LIN28B: variants seen among roughly 807,000 people sequenced by gnomAD.
The protein encoded by LIN28B is lin-28 RNA binding posttranscriptional regulator B.
Under a neutral mutation model 21.9 loss-of-function variants are expected in LIN28B, and 5 were observed. That is an observed-to-expected ratio of 0.23 (90% CI 0.12 to 0.48). The LOEUF is 0.48. LIN28B is among the 20% of genes least tolerant of loss of function. LIN28B has a pLI of 0.98. For missense variants in LIN28B, 245 were observed against 310.5 expected (o/e 0.79, Z 1.58); for synonymous variants, 109 against 111.3 (o/e 0.98, Z 0.13).
intron 2 of LIN28B, among the ~76,000 whole-genome samples, chr6:104,980,392 C>T (rs76667922): frequency 1.3e-5 from 2 of 152,250 alleles, no homozygotes; most frequent in East Asian, 3.9e-4. Context: ...AAAAATGATG[C>T]AGGTGTTAAA....
chr6:105,075,920 T>A (rs1019577004), intron 3 of LIN28B, among the ~76,000 whole-genome samples: 1 of 152,218 alleles, frequency 6.6e-6, no homozygotes, highest in African/African-American at 2.4e-5. Flanking sequence ...CTCAAGGAAG[T>A]GAATTTAATT....
intron 3 of LIN28B, among the ~76,000 whole-genome samples, chr6:105,029,600 A>G (rs1374300121): frequency 1.3e-5 from 2 of 152,156 alleles, no homozygotes; most frequent in Non-Finnish European, 2.9e-5. Context: ...TTGGAAATTT[A>G]ACAAGAAAGA....
intron 3 of LIN28B, among the ~76,000 whole-genome samples, chr6:105,069,519 G>T (rs777529471): frequency 2.6e-5 from 4 of 151,748 alleles, no homozygotes; most frequent in Admixed American, 6.6e-5. Flanking sequence ...GAGCCCAGGA[G>T]TTCAAGACCA....
In LIN28B at chr6:104,992,754, C is replaced by T. The variant is rs774002745; in HGVS notation, c.199-33544C>T. Among the ~76,000 whole-genome samples the T allele has an allele frequency of 2.4e-4, 36 of 152,192 alleles. No individual in the cohort carries two copies. In the Middle Eastern group the frequency reaches 0.014, roughly 58 times the overall value. On this transcript the variant is annotated intron_variant, in intron 2 of 3. Transcript: ENST00000345080. ...TGAACTCCTGTGCTCAAGTGGTCCTCCTACCTTGGCCTCCCAAAGTTCTGA... is the reference window on the plus strand; with the variant it reads ...TGAACTCCTGTGCTCAAGTGGTCCTTCTACCTTGGCCTCCCAAAGTTCTGA...
chr6:104,988,158 ACT>A (rs1257950150), intron 2 of LIN28B, among the ~76,000 whole-genome samples: 1 of 152,166 alleles, frequency 6.6e-6, no homozygotes, highest in Admixed American at 6.5e-5. Context: ...ATGTTTAATA[ACT>A]CATCATTAAG....
intron 3 of LIN28B, among the ~76,000 whole-genome samples, chr6:105,069,005 C>A (rs572259933): frequency 6.6e-6 from 1 of 152,130 alleles, no homozygotes; most frequent in South Asian, 2.1e-4. Context: ...TCACTTGAGG[C>A]CAGGAGTTTG....
intron 2 of LIN28B, among the ~76,000 whole-genome samples, chr6:104,983,908 C>A (rs768999427): frequency 1.2e-4 from 18 of 152,108 alleles, no homozygotes; most frequent in African/African-American, 1.9e-4. Context: ...TTTTTCTGAT[C>A]GGCTACAGAC....
At chr6:105,035,049 A>G (rs560960280) in intron 3 of LIN28B, among the ~76,000 whole-genome samples, 1 of 152,100 alleles carries the variant, frequency 6.6e-6, no homozygotes, top group African/African-American at 2.4e-5. Context: ...TCTCAGTGGT[A>G]TAATTTGACA....
At chr6:105,063,597 C>T (rs561536021) in intron 3 of LIN28B, among the ~76,000 whole-genome samples, 13 of 144,914 alleles carry the variant, frequency 9.0e-5, no homozygotes, top group African/African-American at 2.8e-4. Context: ...GATTGCGCCA[C>T]TGCACTCCAG....
chr6:104,947,750 T>G (rs1290275895), intron 2 of LIN28B, among the ~76,000 whole-genome samples: 3 of 151,198 alleles, frequency 2.0e-5, no homozygotes, highest in East Asian at 3.9e-4. Context: ...AAAAGATGGT[T>G]TAACAAAACA....
At chr6:104,937,525 A>C (rs542348221) in intron 2 of LIN28B, among the ~76,000 whole-genome samples, 2 of 152,186 alleles carry the variant, frequency 1.3e-5, no homozygotes, top group Admixed American at 6.5e-5. Context: ...TCGGCCTCCC[A>C]AAGTGCTGGG....
chr6:105,061,432 T>C (rs139133106), intron 3 of LIN28B, among the ~76,000 whole-genome samples: 117 of 152,240 alleles, frequency 7.7e-4, no homozygotes, highest in African/African-American at 2.5e-3. Context: ...TATTGGGCTA[T>C]TTAGTTTGAT....
At chr6:104,949,843 A>T (rs1390298907) in intron 2 of LIN28B, among the ~76,000 whole-genome samples, 1 of 152,216 alleles carries the variant, frequency 6.6e-6, no homozygotes, top group Non-Finnish European at 1.5e-5. Context: ...ACTCATATTT[A>T]AAAAATGAGA....
intron 3 of LIN28B, among the ~76,000 whole-genome samples, chr6:105,074,533 G>A (rs1772389375): frequency 6.6e-6 from 1 of 152,034 alleles, no homozygotes; most frequent in South Asian, 2.1e-4. Flanking sequence ...TTTTGATAGT[G>A]TCTCAAAAAT....
chr6:104,984,963 T>C (rs1362646310), intron 2 of LIN28B, among the ~76,000 whole-genome samples: 1 of 152,218 alleles, frequency 6.6e-6, no homozygotes, highest in African/African-American at 2.4e-5. Context: ...ATTACTTTCC[T>C]AGGTGTCTAG....
intron 2 of LIN28B, among the ~76,000 whole-genome samples, chr6:105,003,956 A>G (rs996668279): frequency 6.6e-6 from 1 of 152,210 alleles, no homozygotes; most frequent in African/African-American, 2.4e-5. Context: ...AGGGGAGTTT[A>G]TTAAGTATTA....
chr6:105,000,146 C>T (rs75502187), intron 2 of LIN28B, among the ~76,000 whole-genome samples: 3,308 of 129,450 alleles, frequency 0.026, 118 homozygotes, highest in African/African-American at 0.078. Context: ...CATTTGGCTG[C>T]TAAAACCATG....
rs1355295573 is a variant in LIN28B, at chr6:105,080,562, G to A, written c.*1779G>A. 4 of 152,552 alleles carry A rather than the reference G, an allele frequency of 2.6e-5. No homozygotes were observed. The highest frequency in any genetic ancestry group is 1.9e-4 in the East Asian group (1 of 5,194). The allele number at this position is 152,552 out of a possible 1,614,324, so 9.4% of individuals were successfully genotyped here. A position where few individuals can be genotyped will look rare whatever the true frequency, so the allele number is the denominator to read the frequency against. ...CACAACAGTGATTGTGAGAATCTGC[G>A]TGGTATACACTGAAATATCGGTGTG... is the stretch of plus-strand genomic sequence containing the variant. On this transcript the variant is annotated 3_prime_UTR_variant, in exon 4 of 4. Transcript: ENST00000345080.
intron 2 of LIN28B, among the ~76,000 whole-genome samples, chr6:104,982,351 TG>T (rs1410686357): frequency 6.6e-6 from 1 of 151,554 alleles, no homozygotes; most frequent in South Asian, 2.1e-4. Context: ...TTAATTTGAA[TG>T]GCCTCCAATT....
Sources: allele counts gnomAD v4.1 joint callset (sites outside exome capture counted in the v4.1 genomes callset), GRCh38; gene constraint gnomAD v4.1.1; transcripts MANE v1.5; gene names NCBI Gene and HGNC (gene_info 2026-07-23, HGNC 2026-07-21).